Variants in KCNH5 observed in about 807,000 individuals in gnomAD.
KCNH5 encodes the protein potassium voltage-gated channel subfamily H member 5, also known as voltage-gated delayed rectifier potassium channel KCNH5.
A neutral mutation model predicts 96.1 loss-of-function variants in KCNH5; 46 were observed. That is an observed-to-expected ratio of 0.48 (90% CI 0.38 to 0.61). The LOEUF is 0.61. Ranked by LOEUF, KCNH5 falls within the 20% of genes least tolerant of loss-of-function variation. The probability of loss-of-function intolerance (pLI) is 0.00; values close to 1 mark genes in which losing one functional copy is unlikely to be tolerated. For missense variants in KCNH5, 907 were observed against 1,225.8 expected, an observed-to-expected ratio of 0.74 and a Z score of 3.88; for synonymous variants, 439 against 449.8, an observed-to-expected ratio of 0.98 and a Z score of 0.30.
At chr14:63,015,011 G>A (rs750677859) in intron 2 of KCNH5, among the ~76,000 whole-genome samples, 4 of 152,042 alleles carry the variant, frequency 2.6e-5, no homozygotes, top group African/African-American at 9.7e-5. Context: ...CGATATCAGT[G>A]CTAGCAAAGG....
At chr14:62,993,330 A>AT (rs1013810625) in intron 4 of KCNH5, among the ~76,000 whole-genome samples, 45 of 151,982 alleles carry the variant, frequency 3.0e-4, no homozygotes, top group Middle Eastern at 3.4e-3. Context: ...TTTTAGAATT[A>AT]TTTTTCTAAT....
intron 7 of KCNH5, among the ~76,000 whole-genome samples, chr14:62,923,933 C>A (rs1167386050): frequency 6.6e-6 from 1 of 151,598 alleles, no homozygotes; most frequent in African/African-American, 2.4e-5. Flanking sequence ...GATATGACAC[C>A]AAAAGTACAA....
At chr14:62,838,440 C>T (rs942185779) in intron 8 of KCNH5, among the ~76,000 whole-genome samples, 27 of 152,120 alleles carry the variant, frequency 1.8e-4, no homozygotes, top group African/African-American at 5.6e-4. Context: ...CCCATCATGC[C>T]CCATCTAAGC....
chr14:62,856,567 T>C (rs963539460), intron 7 of KCNH5, among the ~76,000 whole-genome samples: 8 of 152,222 alleles, frequency 5.3e-5, no homozygotes, highest in African/African-American at 1.9e-4. Flanking sequence ...TCTGTGATCA[T>C]CTGTGTAGCA....
intron 7 of KCNH5, among the ~76,000 whole-genome samples, chr14:62,928,564 C>T (rs557162239): frequency 9.9e-5 from 15 of 152,114 alleles, no homozygotes; most frequent in Middle Eastern, 3.4e-3. Flanking sequence ...TTTACCGATG[C>T]GGTAACTGAG....
At chr14:62,777,753 C>T (rs1242599163) in intron 10 of KCNH5, among the ~76,000 whole-genome samples, 2 of 152,200 alleles carry the variant, frequency 1.3e-5, no homozygotes, top group African/African-American at 4.8e-5. Flanking sequence ...TGTTGAAAAA[C>T]CAACAACAGT....
chr14:62,980,801 G>T, intron 6 of KCNH5, 71 bp downstream of exon 6: 1 of 1,473,060 alleles, frequency 6.8e-7, no homozygotes, highest in South Asian at 1.3e-5. Context: ...ATTATCTGTG[G>T]AATCCATTTA....
At chr14:62,804,620 C>G (rs1333444879) in intron 8 of KCNH5, among the ~76,000 whole-genome samples, 2 of 152,022 alleles carry the variant, frequency 1.3e-5, no homozygotes, top group African/African-American at 4.8e-5. Context: ...TACTTAGAGG[C>G]AGCAAAAAAG....
At chr14:62,944,314 A>G (rs1436581479) in intron 7 of KCNH5, among the ~76,000 whole-genome samples, 1 of 152,146 alleles carries the variant, frequency 6.6e-6, no homozygotes, top group Non-Finnish European at 1.5e-5. Context: ...TTCTCAACAG[A>G]ATATAGGCAG....
At chr14:62,895,484 C>T (rs1888792284) in intron 7 of KCNH5, among the ~76,000 whole-genome samples, 2 of 152,210 alleles carry the variant, frequency 1.3e-5, no homozygotes, top group South Asian at 4.2e-4. Flanking sequence ...GTATGCGCCA[C>T]CACACCCAGC....
chr14:62,848,509 C>T lies in KCNH5; in HGVS notation c.1569+1144G>A, dbSNP rs1362652838. 2.6e-5 allele frequency among the ~76,000 whole-genome samples: 4 copies of T among 152,082 alleles called. No homozygotes were observed. In the South Asian group the frequency reaches 8.3e-4, roughly 32 times the overall value. On this transcript the variant is annotated intron_variant, in intron 8 of 10. Transcript: ENST00000322893. ...TTTCACAATTCCTCCACATAGCTGC[C>T]CCCAAGTATCTCACCTGCACTCCCT...
At chr14:63,028,249 A>C (rs895361981) in intron 1 of KCNH5, among the ~76,000 whole-genome samples, 1 of 152,036 alleles carries the variant, frequency 6.6e-6, no homozygotes, top group African/African-American at 2.4e-5. Context: ...ACAGCTCTAC[A>C]ATGGGAACGT....
intron 10 of KCNH5, among the ~76,000 whole-genome samples, chr14:62,738,678 C>T (rs1055249530): frequency 1.3e-5 from 2 of 152,012 alleles, no homozygotes; most frequent in African/African-American, 2.4e-5. Context: ...GATATCAACT[C>T]GATATTCATC....
At chr14:63,018,686 A>C (rs1416986343) in intron 1 of KCNH5, among the ~76,000 whole-genome samples, 2 of 152,076 alleles carry the variant, frequency 1.3e-5, no homozygotes, top group Non-Finnish European at 2.9e-5. Flanking sequence ...TCTTAAAATC[A>C]AGTCTCTTCA....
chr14:62,737,276 A>T (rs571341627), intron 10 of KCNH5, among the ~76,000 whole-genome samples: 2 of 152,332 alleles, frequency 1.3e-5, no homozygotes, highest in Admixed American at 1.3e-4. Flanking sequence ...CACCCTAAAT[A>T]CCTAGAACAT....
intron 10 of KCNH5, among the ~76,000 whole-genome samples, chr14:62,768,653 T>G (rs1312506185): frequency 1.3e-5 from 2 of 152,208 alleles, no homozygotes; most frequent in Non-Finnish European, 2.9e-5. Flanking sequence ...GTTAAATACT[T>G]TTCTATCTAT....
chr14:62,827,675 T>C (rs1887254581), intron 8 of KCNH5, among the ~76,000 whole-genome samples: 1 of 152,270 alleles, frequency 6.6e-6, no homozygotes, highest in African/African-American at 2.4e-5. Context: ...AGTGACCAGG[T>C]TTTTTGTCTG....
intron 4 of KCNH5, among the ~76,000 whole-genome samples, chr14:62,998,460 C>T (rs1332171267): frequency 1.3e-5 from 2 of 152,046 alleles, no homozygotes; most frequent in African/African-American, 4.8e-5. Flanking sequence ...TCATTGATTT[C>T]TGTTGTAAGG....
intron 9 of KCNH5, among the ~76,000 whole-genome samples, chr14:62,784,136 C>T (rs918613770): frequency 2.0e-5 from 3 of 152,092 alleles, no homozygotes; most frequent in Admixed American, 6.5e-5. Flanking sequence ...CAATCATGGC[C>T]GAAGGCACAT....
Sources: allele counts gnomAD v4.1 joint callset (sites outside exome capture counted in the v4.1 genomes callset), GRCh38; gene constraint gnomAD v4.1.1; transcripts MANE v1.5; gene names NCBI Gene and HGNC (gene_info 2026-07-23, HGNC 2026-07-21).